CEP120: variants seen among roughly 807,000 people sequenced by gnomAD.
CEP120 encodes the protein centrosomal protein 120.
A neutral mutation model predicts 126.5 loss-of-function variants in CEP120; 113 were observed. That is an observed-to-expected ratio of 0.89 (90% confidence interval 0.77 to 1.04). The LOEUF (loss-of-function observed/expected upper bound fraction) is 1.04, where lower values mean the gene tolerates loss of function less well. CEP120 is among the 50% of genes least tolerant of loss of function. The probability of loss-of-function intolerance (pLI) is 0.00; values close to 1 mark genes in which losing one functional copy is unlikely to be tolerated. For missense variants in CEP120, 1,230 were observed against 1,155.7 expected, an observed-to-expected ratio of 1.06 and a Z score of -0.93; for synonymous variants, 400 against 394.3, an observed-to-expected ratio of 1.01 and a Z score of -0.17.
chr5:123,412,572 T>C, intron 3 of CEP120, 32 bp from the exon 4 acceptor site: 3 of 1,520,128 alleles, frequency 2.0e-6, no homozygotes, highest in Non-Finnish European at 2.7e-6. Flanking sequence ...AAACACCTAA[T>C]AGTTAATAAG....
chr5:123,366,902 G>C (rs1226096946), intron 17 of CEP120, among the ~76,000 whole-genome samples: 1 of 151,802 alleles, frequency 6.6e-6, no homozygotes, highest in African/African-American at 2.4e-5. Context: ...AACCAGGTTT[G>C]TGTCCCCTGT....
chr5:123,414,897 G>A (rs1256587853), intron 3 of CEP120, among the ~76,000 whole-genome samples: 7 of 143,018 alleles, frequency 4.9e-5, no homozygotes, highest in Admixed American at 3.0e-4. Context: ...GCATGAACCC[G>A]GGAGTCAGAG....
Position 123,388,569 on chromosome 5 carries a change from C to A in CEP120, c.1293G>T (p.Val431=). 6.2e-7 allele frequency: 1 copy of A among 1,602,838 alleles called. No individual in the cohort carries two copies. The highest frequency in any genetic ancestry group is 1.1e-5 in the South Asian group (1 of 88,410). Residue 431 remains valine (V), a synonymous_variant, in exon 9 of 20, where the codon GTG becomes GTT. Coordinates refer to ENST00000306467, the MANE Select transcript of CEP120 (RefSeq NM_001375405.1). ...CTACTTCTGAAGCATTGGATGTAGT[C>A]ACTAGCTGGGCCAGTGAAGCAGGTA... ...SSVPASLAQL[V]TTSNASEVAS...
At chr5:123,399,067 C>A in intron 5 of CEP120, 69 bp downstream of exon 5, 3 of 1,239,044 alleles carry the variant, frequency 2.4e-6, no homozygotes, top group South Asian at 5.0e-5. Context: ...TTTTTAATAC[C>A]TGAAAGGTAA....
At chr5:123,360,883 C>T (rs929860066) in intron 18 of CEP120, among the ~76,000 whole-genome samples, 7 of 151,704 alleles carry the variant, frequency 4.6e-5, no homozygotes, top group African/African-American at 1.7e-4. Context: ...ACACTGTTTA[C>T]TTATATTATT....
At chr5:123,400,379 T>C (rs1403618475) in intron 4 of CEP120, among the ~76,000 whole-genome samples, 1 of 152,064 alleles carries the variant, frequency 6.6e-6, no homozygotes, top group Non-Finnish European at 1.5e-5. Context: ...TCTGACCCAT[T>C]AAGCACTTTA....
In CEP120 at chr5:123,391,310, G is replaced by C; in HGVS notation, c.838C>G (p.Leu280Val). The C allele has an allele frequency of 6.2e-7, 1 of 1,613,994 alleles. No individual in the cohort carries two copies. The highest frequency in any genetic ancestry group is 1.1e-5 in the South Asian group (1 of 91,076). ...QIHLCCGDQS[L>V]GSTEIPLTGL... ...GTTAAAGGTATTTCTGTACTTCCAA[G>C]TGACTGGTCTCCACAGCAGAGGTGA... The change falls in exon 7 of 20, where the codon CTT becomes GTT. Residue 280 changes from leucine to valine, a missense_variant. By Grantham distance (32) the Leu-to-Val change is conservative. Transcript: ENST00000306467.
chr5:123,376,178 G>C (rs1771209300), intron 16 of CEP120, among the ~76,000 whole-genome samples: 1 of 152,046 alleles, frequency 6.6e-6, no homozygotes, highest in Admixed American at 6.6e-5. Context: ...AAAAGAACAG[G>C]AGAATAATGT....
In CEP120 at chr5:123,364,554, T is replaced by G. The variant is rs760792250; in HGVS notation, c.2522A>C (p.Lys841Thr). 4.4e-6 allele frequency: 7 copies of G among 1,606,362 alleles called. No homozygotes were observed. Among genetic ancestry groups the G allele is most frequent in the South Asian group, 1.1e-5 (1 of 90,558 alleles). The change falls in exon 18 of 20, where the codon AAA (lysine) becomes ACA (threonine). Residue 841 changes from lysine (K) to threonine (T), a missense_variant. Physicochemically the swap from Lys to Thr is moderately conservative, Grantham distance 78 (BLOSUM62 -1). Coordinates refer to ENST00000306467, the MANE Select transcript of CEP120 (RefSeq NM_001375405.1). ...TCCCCACTGCTGCTTGTAATGCAGT[T>G]TAGACTTAGTTGCAGATTCCAACTT... ...ERKLESATKS[K>T]LHYKQQWGRA...
chr5:123,411,864 T>C (rs921157519), intron 4 of CEP120, among the ~76,000 whole-genome samples: 2 of 152,164 alleles, frequency 1.3e-5, no homozygotes, highest in South Asian at 2.1e-4. Flanking sequence ...CTGATATGAA[T>C]GATATGATAT....
chr5:123,413,503 A>T (rs553420621), intron 3 of CEP120, among the ~76,000 whole-genome samples: 29 of 152,254 alleles, frequency 1.9e-4, no homozygotes, highest in African/African-American at 7.0e-4. Context: ...AGTACTCAAG[A>T]TAGCCTGAAA....
intron 1 of CEP120, among the ~76,000 whole-genome samples, chr5:123,421,571 T>G (rs1774716764): frequency 6.6e-6 from 1 of 152,174 alleles, no homozygotes; most frequent in Non-Finnish European, 1.5e-5. Context: ...AAAGCTCACT[T>G]ATTATTTAAA....
chr5:123,386,815 T>C (rs182378422), intron 9 of CEP120, 148 bp from the exon 10 acceptor site: 7 of 589,740 alleles, frequency 1.2e-5, no homozygotes, highest in Non-Finnish European at 2.6e-6. Flanking sequence ...TAGCAATCTG[T>C]CATCTGTGTA....
Position 123,372,641 on chromosome 5 carries a change from CAT to C in CEP120, c.2481+7_2481+8del, listed in dbSNP as rs1770928232. On this transcript the variant is annotated splice_region_variant and intron_variant, in intron 17 of 19. Coordinates refer to ENST00000306467, the MANE Select transcript of CEP120 (RefSeq NM_001375405.1). Reference sequence around the variant, plus strand: ...GACTAGTTAAACTGCACAAAATTAACATGTGTACCTTTTCCAAGGTGAGAAGA... The same window carrying C: ...GACTAGTTAAACTGCACAAAATTAACGTGTACCTTTTCCAAGGTGAGAAGA... The C allele has an allele frequency of 2.5e-6, 4 of 1,611,236 alleles. No individual in the cohort carries two copies. Among genetic ancestry groups the C allele is most frequent in the Non-Finnish European group, 3.4e-6 (4 of 1,178,216 alleles).
intron 8 of CEP120, 96 bp from the exon 9 acceptor site, chr5:123,388,702 T>C (rs1772186003): frequency 1.0e-6 from 1 of 980,822 alleles, no homozygotes; most frequent in African/African-American, 1.7e-5. Context: ...CATTTACCTT[T>C]AAGCAGGAAT....
In CEP120 at chr5:123,423,115, C is replaced by G; in HGVS notation, c.-117G>C. 1 of 821,270 alleles carries G rather than the reference C, an allele frequency of 1.2e-6. No homozygotes were observed. Among genetic ancestry groups the G allele is most frequent in the Non-Finnish European group, 2.0e-6 (1 of 492,414 alleles). 50.9% of individuals were successfully genotyped at this position (821,270 alleles called of 1,614,324 possible). On this transcript the variant is annotated 5_prime_UTR_variant, in exon 1 of 20. Coordinates refer to ENST00000306467, the MANE Select transcript of CEP120 (RefSeq NM_001375405.1). ...CACTGCCCGCCCCCGGTCCCTGATG[C>G]CCGGACCCCGCTCCGCAGCCAGGTC... is the stretch of plus-strand genomic sequence containing the variant.
chr5:123,350,129 A>G, intron 18 of CEP120, 40 bp from the exon 19 acceptor site: 1 of 1,528,146 alleles, frequency 6.5e-7, no homozygotes, highest in Non-Finnish European at 8.9e-7. Context: ...CCTTAATATT[A>G]GGAACAAATA....
chr5:123,359,328 G>A (rs1181869733), intron 18 of CEP120, among the ~76,000 whole-genome samples: 4 of 151,936 alleles, frequency 2.6e-5, no homozygotes, highest in Non-Finnish European at 4.4e-5. Context: ...ATGTTAAATT[G>A]TCTACAACAA....
chr5:123,413,106 A>T (rs1225840212), intron 3 of CEP120, among the ~76,000 whole-genome samples: 1 of 151,918 alleles, frequency 6.6e-6, no homozygotes, highest in Non-Finnish European at 1.5e-5. Flanking sequence ...GTCTGTCTCT[A>T]CTAAAAATAC....
Sources: gnomAD v4.1 joint callset for allele counts (sites outside exome capture counted in the v4.1 genomes callset) on GRCh38, gnomAD v4.1.1 for gene constraint, MANE v1.5 for transcripts, NCBI Gene and HGNC (gene_info 2026-07-23, HGNC 2026-07-21) for gene names.